Variants in EYA2 observed in about 807,000 individuals in gnomAD.
EYA2 encodes EYA transcriptional coactivator and phosphatase 2, also known as protein phosphatase EYA2.
A neutral mutation model predicts 69.2 loss-of-function variants in EYA2; 31 were observed. That is an observed-to-expected ratio of 0.45 (90% CI 0.34 to 0.60). The LOEUF is 0.60. Ranked by LOEUF, EYA2 falls within the 20% of genes least tolerant of loss-of-function variation. EYA2 has a pLI of 0.02. For missense variants in EYA2, 622 were observed against 701.2 expected, an observed-to-expected ratio of 0.89 and a Z score of 1.28; for synonymous variants, 257 against 279.4, an observed-to-expected ratio of 0.92 and a Z score of 0.80.
At chr20:46,993,712 A>G (rs1981838114) in intron 2 of EYA2, among the ~76,000 whole-genome samples, 1 of 152,248 alleles carries the variant, frequency 6.6e-6, no homozygotes, top group African/African-American at 2.4e-5. Context: ...AGCACGTTGC[A>G]TAGTGATGCT....
intron 5 of EYA2, among the ~76,000 whole-genome samples, chr20:47,027,234 G>A (rs577458410): frequency 2.0e-5 from 3 of 152,334 alleles, no homozygotes; most frequent in South Asian, 2.1e-4. Context: ...ATTTCTCTCC[G>A]GTGATGGCAT....
chr20:47,164,109 C>T (rs957409602), intron 10 of EYA2, among the ~76,000 whole-genome samples: 1 of 152,172 alleles, frequency 6.6e-6, no homozygotes, highest in African/African-American at 2.4e-5. Flanking sequence ...CCCTCACCCT[C>T]GTACCTAGGA....
At chr20:47,001,518 T>A (rs6094549) in intron 3 of EYA2, 45 bp downstream of exon 3, 16 of 1,600,976 alleles carry the variant, frequency 1.0e-5, no homozygotes, top group Non-Finnish European at 1.0e-5. Context: ...CCACCTTTTC[T>A]TCTTTCTTGG....
In EYA2 at chr20:46,987,122, G is replaced by A. The variant is rs562149682; in HGVS notation, c.-10-2879G>A. On this transcript the variant is annotated intron_variant, in intron 1 of 15. Coordinates refer to ENST00000327619, the MANE Select transcript of EYA2 (RefSeq NM_005244.5). ...ATACAGGGGTTGGCAAACTTTTGCTGCCAGATACTAAATACCTTCGGCTCT... is the reference window on the plus strand; with the variant it reads ...ATACAGGGGTTGGCAAACTTTTGCTACCAGATACTAAATACCTTCGGCTCT... Among the ~76,000 whole-genome samples the A allele has an allele frequency of 2.6e-5, 4 of 152,300 alleles. No homozygotes were observed. The East Asian group carries it at 7.7e-4, about 29-fold the overall frequency.
chr20:47,006,754 C>T (rs1390485461), intron 4 of EYA2, among the ~76,000 whole-genome samples: 1 of 152,112 alleles, frequency 6.6e-6, no homozygotes, highest in Admixed American at 6.6e-5. Context: ...ACTAGACTCA[C>T]AGTTTTGGTA....
intron 1 of EYA2, among the ~76,000 whole-genome samples, chr20:46,984,832 T>C (rs971106483): frequency 6.6e-6 from 1 of 152,178 alleles, no homozygotes; most frequent in African/African-American, 2.4e-5. Context: ...TGCAGCATTG[T>C]TTATAAGGTG....
intron 9 of EYA2, among the ~76,000 whole-genome samples, chr20:47,110,681 G>A (rs372063393): frequency 7.2e-5 from 11 of 152,328 alleles, no homozygotes; most frequent in South Asian, 6.2e-4. Flanking sequence ...CCAATACCCA[G>A]CACAGTACCT....
chr20:47,135,679 A>G (rs1600733655), intron 9 of EYA2, among the ~76,000 whole-genome samples: 1 of 151,842 alleles, frequency 6.6e-6, no homozygotes, highest in South Asian at 2.1e-4. Context: ...AGAGTCATCT[A>G]TTACAAAAGT....
At chr20:46,960,079 CAG>C (rs552142543) in intron 1 of EYA2, among the ~76,000 whole-genome samples, 46 of 152,344 alleles carry the variant, frequency 3.0e-4, no homozygotes, top group African/African-American at 1.1e-3. Flanking sequence ...AGCCAGAGCT[CAG>C]GGCACCACGT....
chr20:46,999,739 A>G (rs1023804861), intron 2 of EYA2, among the ~76,000 whole-genome samples: 1 of 152,198 alleles, frequency 6.6e-6, no homozygotes, highest in East Asian at 1.9e-4. Flanking sequence ...GAGGGCATTA[A>G]GAGTGTTGAC....
intron 1 of EYA2, among the ~76,000 whole-genome samples, chr20:46,947,056 G>T (rs562662882): frequency 1.3e-5 from 2 of 152,296 alleles, no homozygotes; most frequent in African/African-American, 4.8e-5. Flanking sequence ...GAGAAGTGGC[G>T]TCAGAGACCT....
intron 9 of EYA2, among the ~76,000 whole-genome samples, chr20:47,136,282 C>T (rs891348350): frequency 3.9e-5 from 6 of 152,150 alleles, no homozygotes; most frequent in Non-Finnish European, 8.8e-5. Flanking sequence ...ATAACTTTGG[C>T]ATTCACGTTT....
chr20:47,106,384 A>G (rs2032579880), intron 9 of EYA2, among the ~76,000 whole-genome samples: 1 of 152,174 alleles, frequency 6.6e-6, no homozygotes, highest in South Asian at 2.1e-4. Flanking sequence ...AGAGATCTCA[A>G]CCCACACAGC....
intron 7 of EYA2, among the ~76,000 whole-genome samples, chr20:47,083,577 CA>C (rs35525311): frequency 1.2e-3 from 142 of 120,608 alleles, no homozygotes; most frequent in African/African-American, 3.4e-3. Context: ...GAGTCCATCT[CA>C]AAAAAAAAAA....
At chr20:46,986,868 A>C (rs1981258521) in intron 1 of EYA2, among the ~76,000 whole-genome samples, 1 of 152,170 alleles carries the variant, frequency 6.6e-6, no homozygotes, top group Non-Finnish European at 1.5e-5. Flanking sequence ...CACTAGCCCC[A>C]CAACACTGGG....
chr20:47,120,849 A>G (rs1376875235), intron 9 of EYA2, among the ~76,000 whole-genome samples: 1 of 152,154 alleles, frequency 6.6e-6, no homozygotes, highest in Non-Finnish European at 1.5e-5. Context: ...ACTTTTTGTT[A>G]GTTCTTGAGT....
chr20:47,092,758 A>G (rs1017196424), intron 8 of EYA2, among the ~76,000 whole-genome samples: 1 of 152,226 alleles, frequency 6.6e-6, no homozygotes, highest in African/African-American at 2.4e-5. Context: ...ACCATTGAAA[A>G]GGTGTGAGCT....
intron 1 of EYA2, among the ~76,000 whole-genome samples, chr20:46,982,181 A>G (rs866187124): frequency 6.6e-6 from 1 of 152,118 alleles, no homozygotes; most frequent in African/African-American, 2.4e-5. Flanking sequence ...CTGATGGGAA[A>G]CAATCTTAAT....
intron 9 of EYA2, among the ~76,000 whole-genome samples, chr20:47,135,835 AAAAAAACAAACAAACAAAC>A (rs1385906012): frequency 1.3e-4 from 11 of 83,112 alleles, no homozygotes; most frequent in African/African-American, 7.7e-4. Context: ...AAAAAAAAAA[AAAAAAACAAACAAACAAAC>A]AAAAAACTAA....
Sources: gnomAD v4.1 joint callset for allele counts (sites outside exome capture counted in the v4.1 genomes callset) on GRCh38, gnomAD v4.1.1 for gene constraint, MANE v1.5 for transcripts, NCBI Gene and HGNC (gene_info 2026-07-23, HGNC 2026-07-21) for gene names.